Variants in B3GALT1 observed in about 807,000 individuals in gnomAD.
B3GALT1 encodes the protein UDP-Gal:betaGlcNAc beta 1,3-galactosyltransferase, polypeptide 1.
Under a neutral mutation model 23.2 loss-of-function variants are expected in B3GALT1, and 10 were observed. The observed-to-expected ratio is 0.43, with a 90% CI of 0.27 to 0.73. B3GALT1 has a LOEUF of 0.73. Ranked by LOEUF, B3GALT1 falls within the 30% of genes least tolerant of loss-of-function variation. B3GALT1 has a pLI of 0.21. For synonymous variants in B3GALT1, 156 were observed against 141.5 expected (o/e 1.10, Z -0.73); for missense variants, 299 against 405.4 (o/e 0.74, Z 2.25).
chr2:167,814,565 T>C (rs1023644820), intron 3 of B3GALT1, among the ~76,000 whole-genome samples: 1 of 151,858 alleles, frequency 6.6e-6, no homozygotes, highest in Non-Finnish European at 1.5e-5. Context: ...ATCGAGAACA[T>C]CCTGGCTAAC....
At chr2:167,594,235 G>C (rs1191117660) in intron 2 of B3GALT1, among the ~76,000 whole-genome samples, 3 of 152,064 alleles carry the variant, frequency 2.0e-5, no homozygotes, top group Admixed American at 1.3e-4. Context: ...ATCCTTTGGG[G>C]GTGGCATTAG....
intron 3 of B3GALT1, among the ~76,000 whole-genome samples, chr2:167,651,116 T>C (rs1295337047): frequency 6.6e-6 from 1 of 152,130 alleles, no homozygotes; most frequent in African/African-American, 2.4e-5. Flanking sequence ...ATTTATGCAA[T>C]GAACTTTTGT....
At chr2:167,511,565 C>G (rs2105354428) in intron 2 of B3GALT1, among the ~76,000 whole-genome samples, 1 of 152,246 alleles carries the variant, frequency 6.6e-6, no homozygotes, top group East Asian at 1.9e-4. Context: ...TTCTTTATAG[C>G]AGCATGAAAA....
intron 3 of B3GALT1, among the ~76,000 whole-genome samples, chr2:167,684,787 G>T (rs552043919): frequency 1.3e-5 from 2 of 152,264 alleles, no homozygotes; most frequent in South Asian, 4.1e-4. Flanking sequence ...AAGGTAACTC[G>T]TACCTAATGG....
chr2:167,416,578 C>T (rs1698474385), intron 1 of B3GALT1, among the ~76,000 whole-genome samples: 1 of 152,144 alleles, frequency 6.6e-6, no homozygotes, highest in Admixed American at 6.5e-5. Context: ...AGAGAGTCTC[C>T]ACTAGGGCAA....
intron 3 of B3GALT1, among the ~76,000 whole-genome samples, chr2:167,657,954 A>T (rs963004147): frequency 5.3e-5 from 8 of 152,116 alleles, no homozygotes; most frequent in Non-Finnish European, 1.0e-4. Flanking sequence ...AGACCCAGGG[A>T]ATATTTGAGA....
chr2:167,310,300 C>T (rs1433469023), intron 1 of B3GALT1, among the ~76,000 whole-genome samples: 3 of 151,474 alleles, frequency 2.0e-5, no homozygotes, highest in Non-Finnish European at 4.4e-5. Flanking sequence ...TGTTTATTTA[C>T]GTTTGAGAGA....
intron 3 of B3GALT1, among the ~76,000 whole-genome samples, chr2:167,786,466 A>C (rs1452719936): frequency 6.6e-6 from 1 of 152,168 alleles, no homozygotes; most frequent in East Asian, 1.9e-4. Flanking sequence ...TAATAATGTG[A>C]CCTCAGGTTA....
intron 2 of B3GALT1, among the ~76,000 whole-genome samples, chr2:167,538,604 A>T (rs577873698): frequency 6.6e-6 from 1 of 152,182 alleles, no homozygotes; most frequent in African/African-American, 2.4e-5. Context: ...CCCTGGGTGG[A>T]GCAGCGTACA....
intron 3 of B3GALT1, among the ~76,000 whole-genome samples, chr2:167,801,360 C>T (rs1490164053): frequency 6.6e-6 from 1 of 152,190 alleles, no homozygotes; most frequent in Admixed American, 6.5e-5. Context: ...TTAAATAATT[C>T]ATTTCCTCCA....
chr2:167,458,455 T>A lies in B3GALT1; in HGVS notation c.-510-31722T>A, dbSNP rs532305645. On this transcript the variant is annotated intron_variant, in intron 1 of 4. Coordinates refer to ENST00000392690, the MANE Select transcript of B3GALT1 (RefSeq NM_020981.4). ...TATCTCTTTGAGGCCATGTTTTCAA[T>A]TCTTTGGGGTACATACCCAGAAGTG... 5.3e-5 allele frequency among the ~76,000 whole-genome samples: 8 copies of A among 152,356 alleles called. No homozygotes were observed. In the East Asian group the frequency reaches 5.8e-4, roughly 11 times the overall value.
chr2:167,374,851 G>T (rs1448292953), intron 1 of B3GALT1, among the ~76,000 whole-genome samples: 2 of 148,844 alleles, frequency 1.3e-5, no homozygotes, highest in African/African-American at 2.4e-5. Context: ...GTTTAATTAG[G>T]TTCCTCTTGT....
At chr2:167,687,520 G>C (rs933279037) in intron 3 of B3GALT1, among the ~76,000 whole-genome samples, 2 of 151,886 alleles carry the variant, frequency 1.3e-5, no homozygotes, top group Non-Finnish European at 1.5e-5. Flanking sequence ...GAGAAGAGAG[G>C]GGCAAGGATT....
chr2:167,679,125 T>TC (rs1686482660), intron 3 of B3GALT1, among the ~76,000 whole-genome samples: 1 of 150,260 alleles, frequency 6.7e-6, no homozygotes, highest in Non-Finnish European at 1.5e-5. Context: ...TGTTTTTGTT[T>TC]TTTTTTTTGA....
chr2:167,712,178 T>C (rs1442478236), intron 3 of B3GALT1, among the ~76,000 whole-genome samples: 2 of 152,116 alleles, frequency 1.3e-5, no homozygotes, highest in Non-Finnish European at 2.9e-5. Flanking sequence ...AATGGAGCAG[T>C]GGGAAAAAAG....
intron 2 of B3GALT1, among the ~76,000 whole-genome samples, chr2:167,502,702 C>G (rs1699864444): frequency 6.6e-6 from 1 of 152,178 alleles, no homozygotes; most frequent in African/African-American, 2.4e-5. Context: ...CCCCCATGAT[C>G]CAACCACCTC....
intron 3 of B3GALT1, among the ~76,000 whole-genome samples, chr2:167,760,867 A>T (rs1163260681): frequency 6.6e-6 from 1 of 152,184 alleles, no homozygotes; most frequent in African/African-American, 2.4e-5. Flanking sequence ...GAGGATACAG[A>T]TGTCACCCAT....
chr2:167,517,341 G>C (rs1212799498), intron 2 of B3GALT1, among the ~76,000 whole-genome samples: 1 of 151,548 alleles, frequency 6.6e-6, no homozygotes, highest in African/African-American at 2.4e-5. Flanking sequence ...TTGTATTTTT[G>C]AATGAAGATA....
At chr2:167,635,297 C>T (rs539796987) in intron 2 of B3GALT1, among the ~76,000 whole-genome samples, 7 of 152,102 alleles carry the variant, frequency 4.6e-5, no homozygotes, top group African/African-American at 7.2e-5. Flanking sequence ...CACAAGACAA[C>T]GATGCCCTCT....
Sources: gnomAD v4.1 joint callset for allele counts (sites outside exome capture counted in the v4.1 genomes callset) on GRCh38, gnomAD v4.1.1 for gene constraint, MANE v1.5 for transcripts, NCBI Gene and HGNC (gene_info 2026-07-23, HGNC 2026-07-21) for gene names.